TRPC7: variants seen among roughly 807,000 people sequenced by gnomAD.
The protein encoded by TRPC7 is short transient receptor potential channel 7.
In TRPC7, 42 loss-of-function variants were observed where a neutral mutation model predicts 90.1. That is an observed-to-expected ratio of 0.47 (90% CI 0.36 to 0.60). The LOEUF is 0.60. Ranked by LOEUF, TRPC7 falls within the 20% of genes least tolerant of loss-of-function variation. The pLI, the probability that TRPC7 is intolerant of heterozygous loss-of-function variation, is 0.00. For synonymous variants in TRPC7, 451 were observed against 436.3 expected (o/e 1.03, Z -0.42); for missense variants, 955 against 1,112.3 (o/e 0.86, Z 2.01).
At chr5:136,224,281 C>T (rs1350234191) in intron 10 of TRPC7, among the ~76,000 whole-genome samples, 1 of 152,214 alleles carries the variant, frequency 6.6e-6, no homozygotes, top group Non-Finnish European at 1.5e-5. Flanking sequence ...TCATCTGTAG[C>T]TATCGTTTAT....
chr5:136,233,664 C>T (rs1218183299), intron 7 of TRPC7, among the ~76,000 whole-genome samples: 2 of 152,064 alleles, frequency 1.3e-5, no homozygotes, highest in Admixed American at 1.3e-4. Flanking sequence ...TTGTCATGGA[C>T]CAACAAAGGA....
intron 10 of TRPC7, among the ~76,000 whole-genome samples, chr5:136,219,361 A>C (rs1056938969): frequency 1.2e-4 from 19 of 152,252 alleles, no homozygotes; most frequent in African/African-American, 4.3e-4. Context: ...GAATCAGATG[A>C]GCACTGCAGA....
At chr5:136,348,939 C>G (rs1438302586) in intron 2 of TRPC7, among the ~76,000 whole-genome samples, 8 of 152,138 alleles carry the variant, frequency 5.3e-5, no homozygotes, top group Non-Finnish European at 1.5e-5. Flanking sequence ...ATTTGTGCTA[C>G]TACTCATTGG....
At chr5:136,233,734 T>G (rs781440977) in intron 7 of TRPC7, among the ~76,000 whole-genome samples, 1 of 152,220 alleles carries the variant, frequency 6.6e-6, no homozygotes, top group Non-Finnish European at 1.5e-5. Flanking sequence ...TTTCTTACCT[T>G]GGAACAACCC....
chr5:136,230,510 T>C (rs753640481), intron 8 of TRPC7, among the ~76,000 whole-genome samples: 62 of 152,328 alleles, frequency 4.1e-4, no homozygotes, highest in Non-Finnish European at 1.9e-4. Context: ...CTCCTACCAC[T>C]GTAACTTGAA....
At chr5:136,362,501 T>A (rs1173947898) in intron 1 of TRPC7, among the ~76,000 whole-genome samples, 3 of 152,172 alleles carry the variant, frequency 2.0e-5, no homozygotes, top group African/African-American at 7.2e-5. Flanking sequence ...TAGAAATGTA[T>A]AGCGAACATG....
intron 5 of TRPC7, among the ~76,000 whole-genome samples, chr5:136,254,386 A>AAGTAGTCCCTAACAACTTAAAGTTGTCC (rs1324020494): frequency 1.3e-5 from 2 of 152,202 alleles, no homozygotes; most frequent in Non-Finnish European, 2.9e-5. Flanking sequence ...GCGGCTGGTG[A>AAGTAGTCCCTAACAACTTAAAGTTGTCC]CTTTAAGTTG....
intron 1 of TRPC7, among the ~76,000 whole-genome samples, chr5:136,364,335 G>A (rs1406683353): frequency 6.6e-6 from 1 of 152,240 alleles, no homozygotes; most frequent in Non-Finnish European, 1.5e-5. Context: ...TTGTGACATA[G>A]AAGTTTGGTA....
At chr5:136,303,185 G>C (rs1354062232) in intron 3 of TRPC7, among the ~76,000 whole-genome samples, 1 of 152,134 alleles carries the variant, frequency 6.6e-6, no homozygotes, top group Non-Finnish European at 1.5e-5. Flanking sequence ...AAATCAGATA[G>C]CTTCTAGGCT....
chr5:136,349,263 C>A (rs1760111021), intron 2 of TRPC7, among the ~76,000 whole-genome samples: 1 of 152,138 alleles, frequency 6.6e-6, no homozygotes, highest in African/African-American at 2.4e-5. Flanking sequence ...ATTCCCTTGG[C>A]CTATTTTTAA....
intron 4 of TRPC7, among the ~76,000 whole-genome samples, chr5:136,266,768 A>C (rs1757046331): frequency 2.0e-5 from 3 of 152,356 alleles, no homozygotes; most frequent in Middle Eastern, 6.8e-3. Flanking sequence ...CATAAAGTTC[A>C]CAATTTTAAA....
chr5:136,248,423 T>A (rs917151533), intron 6 of TRPC7, among the ~76,000 whole-genome samples: 1 of 152,194 alleles, frequency 6.6e-6, no homozygotes, highest in Admixed American at 6.5e-5. Context: ...TACAGATAAG[T>A]GTTTGTCAAA....
intron 3 of TRPC7, among the ~76,000 whole-genome samples, chr5:136,294,902 A>G (rs939965814): frequency 2.0e-5 from 3 of 152,234 alleles, no homozygotes; most frequent in Admixed American, 6.5e-5. Flanking sequence ...ATGTCCAGCA[A>G]TGATAGACTG....
chr5:136,309,829 T>C (rs951928226), intron 3 of TRPC7, among the ~76,000 whole-genome samples: 1 of 152,228 alleles, frequency 6.6e-6, no homozygotes. Context: ...TAACACAATG[T>C]AACAGCCTAT....
chr5:136,241,787 C>T (rs1756176520), intron 7 of TRPC7, among the ~76,000 whole-genome samples: 1 of 152,140 alleles, frequency 6.6e-6, no homozygotes, highest in Non-Finnish European at 1.5e-5. Context: ...AACTCCTAAC[C>T]TCAAGTGATC....
chr5:136,294,362 A>C (rs1268346708), intron 3 of TRPC7, among the ~76,000 whole-genome samples: 1 of 152,116 alleles, frequency 6.6e-6, no homozygotes, highest in Non-Finnish European at 1.5e-5. Flanking sequence ...AACCTACAGA[A>C]TGGGAGAAAT....
chr5:136,218,202 T>TAAAATATATATAC (rs1302568015), intron 10 of TRPC7, among the ~76,000 whole-genome samples: 1 of 147,230 alleles, frequency 6.8e-6, no homozygotes, highest in East Asian at 1.9e-4. Context: ...TGAGATTATA[T>TAAAATATATATAC]AAAATATATA....
chr5:136,247,440 GA>G lies in TRPC7; in HGVS notation c.1844+30del. 1 of 1,576,106 alleles carries G rather than the reference GA, an allele frequency of 6.3e-7. No homozygotes were observed. Among genetic ancestry groups the G allele is most frequent in the Non-Finnish European group, 8.6e-7 (1 of 1,159,100 alleles). ...CAAGGATTCCCAGGAAGCCCAGGGA[GA>G]ACCTCAGGGGAAAGCTCTCAGATAC... is the stretch of plus-strand genomic sequence containing the variant. On this transcript the variant is annotated intron_variant, in intron 7 of 11. Transcript: ENST00000513104. The surrounding 1 kb of genome is among the most constrained non-coding windows in gnomAD (Gnocchi z 4.2).
chr5:136,248,685 G>A (rs1162592995), intron 6 of TRPC7, among the ~76,000 whole-genome samples: 1 of 152,200 alleles, frequency 6.6e-6, no homozygotes, highest in East Asian at 1.9e-4. Flanking sequence ...GAGCTGGGAA[G>A]GCTCTGCTTG....
Sources: allele counts gnomAD v4.1 joint callset (sites outside exome capture counted in the v4.1 genomes callset), GRCh38; gene constraint gnomAD v4.1.1; non-coding constraint Gnocchi (gnomAD v3.1); transcripts MANE v1.5; gene names NCBI Gene and HGNC (gene_info 2026-07-23, HGNC 2026-07-21).